Variants in FHIT observed in about 807,000 individuals in gnomAD.
The protein encoded by FHIT is fragile histidine triad diadenosine triphosphatase.
In FHIT, 19 loss-of-function variants were observed where a neutral mutation model predicts 17.9. That is an observed-to-expected ratio of 1.06 (90% CI 0.74 to 1.56). The LOEUF (loss-of-function observed/expected upper bound fraction) is 1.56. Ranked by LOEUF, FHIT falls within the 40% of genes most tolerant of loss-of-function variation. FHIT has a pLI of 0.00. For missense variants in FHIT, 248 were observed against 189.2 expected (o/e 1.31, Z -1.82); for synonymous variants, 81 against 69.7 (o/e 1.16, Z -0.81).
At chr3:60,553,380 C>T in intron 4 of FHIT, 2 of 980,312 alleles carry the variant, frequency 2.0e-6, no homozygotes, top group Non-Finnish European at 2.4e-6. Context: ...ATCAGCAACC[C>T]CCTTCTTCCA....
chr3:60,439,385 A>C (rs1256442114), intron 5 of FHIT, among the ~76,000 whole-genome samples: 1 of 152,082 alleles, frequency 6.6e-6, no homozygotes, highest in Admixed American at 6.6e-5. Context: ...TAGAAGTCCT[A>C]ACTGATTTGA....
At chr3:60,571,413 C>T (rs1471400235) in intron 4 of FHIT, among the ~76,000 whole-genome samples, 1 of 143,994 alleles carries the variant, frequency 6.9e-6, no homozygotes, top group African/African-American at 2.6e-5. Flanking sequence ...AAAAAATTGC[C>T]ATCCAGGGGA....
intron 8 of FHIT, among the ~76,000 whole-genome samples, chr3:59,910,781 G>A (rs376883965): frequency 2.4e-4 from 37 of 152,274 alleles, no homozygotes; most frequent in African/African-American, 8.7e-4. Flanking sequence ...TATGTAAATA[G>A]GTTGCTGTTA....
At chr3:60,745,743 T>C (rs557537088) in intron 4 of FHIT, among the ~76,000 whole-genome samples, 1 of 152,138 alleles carries the variant, frequency 6.6e-6, no homozygotes, top group Non-Finnish European at 1.5e-5. Context: ...CAACCCAATA[T>C]ACCAGAGTCA....
intron 5 of FHIT, among the ~76,000 whole-genome samples, chr3:60,401,603 T>C (rs956428478): frequency 2.0e-5 from 3 of 152,050 alleles, no homozygotes; most frequent in Non-Finnish European, 4.4e-5. Flanking sequence ...TTCCCTCCAC[T>C]GTTAGTCCCC....
intron 8 of FHIT, among the ~76,000 whole-genome samples, chr3:59,857,874 G>A (rs1023195211): frequency 3.3e-5 from 5 of 152,104 alleles, no homozygotes; most frequent in East Asian, 1.9e-4. Flanking sequence ...GAAACCAGGT[G>A]GTGAAAGAAG....
intron 7 of FHIT, among the ~76,000 whole-genome samples, chr3:59,982,345 A>T (rs1406606287): frequency 1.3e-5 from 2 of 152,144 alleles, no homozygotes; most frequent in Non-Finnish European, 2.9e-5. Context: ...AACTTTTGAG[A>T]TTCCAGTGTC....
At chr3:60,114,668 A>G (rs1477638714) in intron 5 of FHIT, among the ~76,000 whole-genome samples, 1 of 150,874 alleles carries the variant, frequency 6.6e-6, no homozygotes, top group Non-Finnish European at 1.5e-5. Flanking sequence ...TAATTTTTGT[A>G]TTTTTTCTAA....
intron 3 of FHIT, among the ~76,000 whole-genome samples, chr3:60,871,779 A>G (rs1019868618): frequency 1.3e-5 from 2 of 152,068 alleles, no homozygotes; most frequent in Non-Finnish European, 2.9e-5. Context: ...AACTATAGGC[A>G]CACACCACCA....
chr3:60,106,997 G>T (rs1167246838), intron 5 of FHIT, among the ~76,000 whole-genome samples: 10 of 152,132 alleles, frequency 6.6e-5, no homozygotes. Flanking sequence ...ATTAAGAAAA[G>T]ATCAGTGATA....
At chr3:61,010,337 G>A (rs1356059912) in intron 3 of FHIT, among the ~76,000 whole-genome samples, 1 of 151,952 alleles carries the variant, frequency 6.6e-6, no homozygotes, top group Non-Finnish European at 1.5e-5. Context: ...TTCCACTTAG[G>A]GTATTATTGC....
chr3:60,955,597 C>CATATATATATATATATATACATATAT (rs1709077452), intron 3 of FHIT, among the ~76,000 whole-genome samples: 1 of 77,656 alleles, frequency 1.3e-5, no homozygotes, highest in East Asian at 2.4e-4. Context: ...CATATATATA[C>CATATATATATATATATATACATATAT]ATATATATAT....
intron 1 of FHIT, among the ~76,000 whole-genome samples, chr3:61,245,816 T>C (rs1483876745): frequency 6.6e-6 from 1 of 152,150 alleles, no homozygotes; most frequent in Non-Finnish European, 1.5e-5. Flanking sequence ...CGTATTTATT[T>C]GTGGTGAGAA....
intron 5 of FHIT, among the ~76,000 whole-genome samples, chr3:60,430,780 T>C (rs920421375): frequency 1.3e-5 from 2 of 152,096 alleles, no homozygotes; most frequent in African/African-American, 2.4e-5. Flanking sequence ...TTCGATGTAC[T>C]CTACTAATTA....
At chr3:60,035,526 ATTTT>A (rs1701180288) in intron 5 of FHIT, among the ~76,000 whole-genome samples, 1 of 152,132 alleles carries the variant, frequency 6.6e-6, no homozygotes, top group Non-Finnish European at 1.5e-5. Context: ...AGCCAAAAAC[ATTTT>A]TTTATACTGG....
intron 2 of FHIT, among the ~76,000 whole-genome samples, chr3:61,141,487 T>C (rs1440366514): frequency 6.6e-6 from 1 of 152,208 alleles, no homozygotes; most frequent in Non-Finnish European, 1.5e-5. Context: ...AAAGAAATTC[T>C]GTAGCCCAGA....
intron 8 of FHIT, among the ~76,000 whole-genome samples, chr3:59,832,818 T>C (rs1222586424): frequency 6.6e-6 from 1 of 152,170 alleles, no homozygotes; most frequent in Admixed American, 6.5e-5. Flanking sequence ...ATCTTCCCTA[T>C]CATTGAGTGA....
At chr3:59,805,363 G>A (rs1251802012) in intron 8 of FHIT, among the ~76,000 whole-genome samples, 1 of 152,212 alleles carries the variant, frequency 6.6e-6, no homozygotes, top group East Asian at 1.9e-4. Flanking sequence ...CCTTGGCATA[G>A]TGAATATTTT....
chr3:60,829,017 A>T (rs187618843), intron 3 of FHIT, among the ~76,000 whole-genome samples: 2 of 152,358 alleles, frequency 1.3e-5, no homozygotes, highest in East Asian at 3.9e-4. Flanking sequence ...CTTGAGAGAA[A>T]CACAACAATA....
Sources: allele counts gnomAD v4.1 joint callset (sites outside exome capture counted in the v4.1 genomes callset), GRCh38; gene constraint gnomAD v4.1.1; transcripts MANE v1.5; gene names NCBI Gene and HGNC (gene_info 2026-07-23, HGNC 2026-07-21).